MED13L: variants seen among roughly 807,000 people sequenced by gnomAD.
MED13L encodes the protein mediator of RNA polymerase II transcription subunit 13-like.
Under a neutral mutation model 220.9 loss-of-function variants are expected in MED13L, and 7 were observed. That is an observed-to-expected ratio of 0.03 (90% CI 0.02 to 0.06). The LOEUF (loss-of-function observed/expected upper bound fraction) is 0.06, where lower values mean the gene tolerates loss of function less well. MED13L is among the 10% of genes least tolerant of loss of function. MED13L has a pLI of 1.00. For synonymous variants in MED13L, 1,011 were observed against 1,015.2 expected (o/e 1.00, Z 0.08); for missense variants, 1,965 against 2,760.5 (o/e 0.71, Z 6.46).
intron 23 of MED13L, chr12:115,980,412 C>G: frequency 3.1e-6 from 1 of 327,324 alleles, no homozygotes; most frequent in South Asian, 3.1e-5. Flanking sequence ...CCATCTCAAA[C>G]TCCTGGGCTC....
At chr12:116,127,716 TTAAAC>T (rs980334257) in intron 2 of MED13L, among the ~76,000 whole-genome samples, 6 of 152,232 alleles carry the variant, frequency 3.9e-5, no homozygotes, top group African/African-American at 4.8e-5. Flanking sequence ...GCAAAGCTTT[TTAAAC>T]TAGTCTCCCT....
chr12:115,973,563 AAGTG>A (rs1876731512), intron 25 of MED13L, among the ~76,000 whole-genome samples: 1 of 152,214 alleles, frequency 6.6e-6, no homozygotes, highest in Admixed American at 6.5e-5. Flanking sequence ...CCAAAATACC[AAGTG>A]ACTAGACTAT....
chr12:116,064,740 T>C (rs1304508435), intron 4 of MED13L, among the ~76,000 whole-genome samples: 1 of 152,194 alleles, frequency 6.6e-6, no homozygotes, highest in African/African-American at 2.4e-5. Flanking sequence ...AAGGGCAGCT[T>C]CTTCTCCTTA....
At chr12:116,018,897 T>TA (rs1303750002) in intron 7 of MED13L, among the ~76,000 whole-genome samples, 2,362 of 111,498 alleles carry the variant, frequency 0.021, 24 homozygotes, top group African/African-American at 0.04. Context: ...TGTTCAAAAT[T>TA]AAAAAAAAAA....
intron 15 of MED13L, 30 bp downstream of exon 15, chr12:115,996,980 C>T: frequency 6.3e-7 from 1 of 1,589,962 alleles, no homozygotes; most frequent in Non-Finnish European, 8.6e-7. Context: ...AACTGCTCTG[C>T]CCTGGAAATG....
chr12:116,080,872 T>A (rs1871194138), intron 4 of MED13L, among the ~76,000 whole-genome samples: 1 of 152,222 alleles, frequency 6.6e-6, no homozygotes, highest in Admixed American at 6.5e-5. Flanking sequence ...TATCAGTACA[T>A]AAATACTTAT....
At position 116,006,005 on chromosome 12, in the gene MED13L, GA is replaced by G; in HGVS notation, c.2345-13del. ...ATCCTGCCGGACATCTGTAGGAAAG[GA>G]GGCAAAAGACACAGAATAAACAACT... On this transcript the variant is annotated splice_polypyrimidine_tract_variant and intron_variant, in intron 12 of 30. Coordinates refer to ENST00000281928, the MANE Select transcript of MED13L (RefSeq NM_015335.5). 1 of 1,613,856 alleles carries G rather than the reference GA, an allele frequency of 6.2e-7. No individual in the cohort carries two copies. Among genetic ancestry groups the G allele is most frequent in the African/African-American group, 1.3e-5 (1 of 75,010 alleles).
intron 4 of MED13L, among the ~76,000 whole-genome samples, chr12:116,076,304 A>G (rs1454280456): frequency 6.6e-6 from 1 of 152,200 alleles, no homozygotes; most frequent in African/African-American, 2.4e-5. Context: ...TGGGAGGCTG[A>G]TAACAGAGGA....
At chr12:116,074,221 C>A (rs1755523639) in intron 4 of MED13L, among the ~76,000 whole-genome samples, 2 of 152,106 alleles carry the variant, frequency 1.3e-5, no homozygotes, top group South Asian at 4.1e-4. Context: ...ATGGCAAAAC[C>A]CCGTCTCTAC....
chr12:116,017,853 C>T (rs999868756), intron 7 of MED13L, among the ~76,000 whole-genome samples: 5 of 151,900 alleles, frequency 3.3e-5, no homozygotes, highest in South Asian at 2.1e-4. Context: ...TGAGCTCAAG[C>T]GATCCACCTG....
At chr12:116,170,108 A>C (rs1879566190) in intron 2 of MED13L, among the ~76,000 whole-genome samples, 1 of 152,196 alleles carries the variant, frequency 6.6e-6, no homozygotes, top group Non-Finnish European at 1.5e-5. Context: ...ATTATCAAGC[A>C]TTGGTCATTT....
At chr12:116,229,084 C>T (rs938674242) in intron 2 of MED13L, among the ~76,000 whole-genome samples, 1 of 152,068 alleles carries the variant, frequency 6.6e-6, no homozygotes, top group Admixed American at 6.5e-5. Context: ...GCCACAACAG[C>T]CTCTTCTAAA....
chr12:116,048,592 C>A (rs1256536729), intron 4 of MED13L, among the ~76,000 whole-genome samples: 1 of 151,946 alleles, frequency 6.6e-6, no homozygotes, highest in East Asian at 1.9e-4. Flanking sequence ...ACCATATGGG[C>A]ACCTTCTTCA....
intron 2 of MED13L, among the ~76,000 whole-genome samples, chr12:116,199,006 T>G (rs903299951): frequency 1.3e-5 from 2 of 152,190 alleles, no homozygotes; most frequent in African/African-American, 4.8e-5. Flanking sequence ...CACTAAAGTT[T>G]CTATGTCTAC....
chr12:116,083,099 T>C (rs1871339544), intron 4 of MED13L, among the ~76,000 whole-genome samples: 1 of 152,150 alleles, frequency 6.6e-6, no homozygotes, highest in Admixed American at 6.5e-5. Flanking sequence ...GTCATTTACA[T>C]TTATTATCTC....
intron 2 of MED13L, among the ~76,000 whole-genome samples, chr12:116,177,908 T>C (rs1880192249): frequency 6.6e-6 from 1 of 152,052 alleles, no homozygotes; most frequent in South Asian, 2.1e-4. Context: ...GGTTGGAGTG[T>C]ACAGTGGCAC....
chr12:116,155,333 G>A (rs1878349110), intron 2 of MED13L, among the ~76,000 whole-genome samples: 2 of 152,134 alleles, frequency 1.3e-5, no homozygotes, highest in Non-Finnish European at 2.9e-5. Context: ...TGAGGTGGGA[G>A]GATTGCTTGA....
chr12:116,003,251 C>G lies in MED13L; in HGVS notation c.2470-149G>C, dbSNP rs1268696800. The G allele has an allele frequency of 5.7e-6, 4 of 704,036 alleles. No homozygotes were observed. In the East Asian group the frequency reaches 1.1e-4, roughly 19 times the overall value. The allele number at this position is 704,036 out of a possible 1,614,324, so 43.6% of individuals were successfully genotyped here. On this transcript the variant is annotated intron_variant, in intron 13 of 30. Coordinates refer to ENST00000281928, the MANE Select transcript of MED13L (RefSeq NM_015335.5). ...CTAGAAATACCAACAGATAGTGAAA[C>G]AAAGGAGATGGTTACAAGCTTATCA...
intron 1 of MED13L, among the ~76,000 whole-genome samples, chr12:116,247,607 A>G (rs532497294): frequency 1.3e-5 from 2 of 152,308 alleles, no homozygotes; most frequent in Admixed American, 1.3e-4. Flanking sequence ...TGGGCCTCCC[A>G]TCTGACTGGT....
Sources: gnomAD v4.1 joint callset for allele counts (sites outside exome capture counted in the v4.1 genomes callset) on GRCh38, gnomAD v4.1.1 for gene constraint, MANE v1.5 for transcripts, NCBI Gene and HGNC (gene_info 2026-07-23, HGNC 2026-07-21) for gene names.